EPHB6: variants seen among roughly 807,000 people sequenced by gnomAD.
EPHB6 encodes ephrin type-B receptor 6.
EPHB6 carries 51 observed loss-of-function variants against 107.0 expected under a neutral mutation model. The observed-to-expected ratio is 0.48, with a 90% CI of 0.38 to 0.60. EPHB6 has a LOEUF of 0.60. EPHB6 is among the 20% of genes least tolerant of loss of function. The pLI, the probability that EPHB6 is intolerant of heterozygous loss-of-function variation, is 0.00. For missense variants in EPHB6, 1,141 were observed against 1,355.5 expected (o/e 0.84, Z 2.48); for synonymous variants, 553 against 549.0 (o/e 1.01, Z -0.10).
Position 142,861,997 on chromosome 7 carries a change from T to C in EPHB6, c.-296-20T>C, listed in dbSNP as rs1802861147. 6.6e-6 allele frequency: 1 copy of C among 152,218 alleles called. No individual in the cohort carries two copies. Among genetic ancestry groups the C allele is most frequent in the Non-Finnish European group, 1.5e-5 (1 of 68,042 alleles). The allele number at this position is 152,218 out of a possible 1,614,324, so 9.4% of individuals were successfully genotyped here. On this transcript the variant is annotated intron_variant, in intron 2 of 19. Coordinates refer to ENST00000652003, the MANE Select transcript of EPHB6 (RefSeq NM_004445.6). ...AATAGACCTAGTAGCTTATACACAA[T>C]AGAAATATCTTTCTCACAGTCTAGA...
Position 142,870,887 on chromosome 7 carries a change from G to C in EPHB6, c.3052G>C (p.Gly1018Arg). 1 of 1,613,586 alleles carries C rather than the reference G, an allele frequency of 6.2e-7. No individual in the cohort carries two copies. Among genetic ancestry groups the C allele is most frequent in the Non-Finnish European group, 8.5e-7 (1 of 1,179,930 alleles). The change falls in exon 20 of 20, where the codon GGC becomes CGC. Residue 1018 changes from glycine to arginine, a missense_variant. Transcript: ENST00000652003. The part of the protein sequence containing the change: ...QLLQQHLRQQ[G>R]SVEV ...CCTTCAGCAACACCTGAGGCAGCAG[G>C]GCTCAGTGGAGGTCTGAGAATGACG...
Position 142,867,128 on chromosome 7 carries a change from G to A in EPHB6, c.1750+60G>A. ...AGGCCCAAGTGGGTAGTGAGGAGAG[G>A]CCCAGGGACTGTCCGGCCTTGAACC... On this transcript the variant is annotated intron_variant, in intron 11 of 19. Transcript: ENST00000652003. The surrounding 1 kb of genome is among the most constrained non-coding windows in gnomAD (Gnocchi z 5.3). The A allele has an allele frequency of 6.3e-7, 1 of 1,579,240 alleles. No homozygotes were observed. Among genetic ancestry groups the A allele is most frequent in the Non-Finnish European group, 8.6e-7 (1 of 1,162,558 alleles).
At position 142,868,520 on chromosome 7, in the gene EPHB6, C is replaced by A. The variant is rs1472840104; in HGVS notation, c.2067C>A (p.Arg689=). ...TGSFGEVRQG[R]LQPRGRREQT... is the part of the protein sequence containing the mutation. ...CTTTTGGAGAAGTGCGCCAGGGCCG[C>A]CTGCAGCCACGGGGACGGAGGGAGC... Residue 689 remains arginine, a synonymous_variant, in exon 15 of 20, where the codon CGC becomes CGA. Transcript: ENST00000652003. This position sits in a 1 kb window ranked among gnomAD's most constrained non-coding sequence, Gnocchi z 4.2. The A allele has an allele frequency of 8.1e-6, 13 of 1,613,758 alleles. No individual in the cohort carries two copies. Among genetic ancestry groups the A allele is most frequent in the East Asian group, 2.2e-5 (1 of 44,890 alleles).
chr7:142,865,725 A>T (rs1170049067), intron 8 of EPHB6, 95 bp downstream of exon 8: 1 of 1,520,724 alleles, frequency 6.6e-7, no homozygotes, highest in Non-Finnish European at 8.9e-7. Context: ...TTGCATTTGG[A>T]GTGACTTGTT....
intron 1 of EPHB6, among the ~76,000 whole-genome samples, chr7:142,858,111 T>G (rs746829742): frequency 6.6e-6 from 1 of 152,216 alleles, no homozygotes; most frequent in Non-Finnish European, 1.5e-5. Context: ...AAATAAGGTA[T>G]GCTTACTGTA....
rs760221987 is a variant in EPHB6, at chr7:142,868,400, C to T, written c.2038+40C>T. Reference sequence around the variant, plus strand: ...AAGCAGGGATCAGAGCGACGGGGCTCCCTTGTGGCCTCCGCTGGCCAGAGT... The same window carrying T: ...AAGCAGGGATCAGAGCGACGGGGCTTCCTTGTGGCCTCCGCTGGCCAGAGT... On this transcript the variant is annotated intron_variant, in intron 14 of 19. Transcript: ENST00000652003. This position sits in a 1 kb window ranked among gnomAD's most constrained non-coding sequence, Gnocchi z 4.2. 3.1e-6 allele frequency: 5 copies of T among 1,613,828 alleles called. No homozygotes were observed. The highest frequency in any genetic ancestry group is 4.2e-6 in the Non-Finnish European group (5 of 1,179,868).
chr7:142,865,902 A>G, intron 8 of EPHB6, 58 bp from the exon 9 acceptor site: 4 of 1,557,242 alleles, frequency 2.6e-6, no homozygotes, highest in Non-Finnish European at 3.5e-6. Flanking sequence ...TTCCTTCCTC[A>G]ATCACCCCCA....
At position 142,864,332 on chromosome 7, in the gene EPHB6, G is replaced by A. The variant is rs775969564; in HGVS notation, c.532G>A (p.Ala178Thr). Residue 178 changes from alanine (A) to threonine (T), a missense_variant, in exon 7 of 20, where the codon GCA becomes ACA. Coordinates refer to ENST00000652003, the MANE Select transcript of EPHB6 (RefSeq NM_004445.6). ...CTCCTCCTCCTCCTCTTCTTCCTCT[G>A]CAGCGTGGGCTGTGGGACCCCACGG... is the stretch of plus-strand genomic sequence containing the variant. The part of the protein sequence containing the change: ...SSSSSSSSSS[A>T]AWAVGPHGAG... The A allele has an allele frequency of 3.7e-6, 6 of 1,613,298 alleles. No individual in the cohort carries two copies. The highest frequency in any genetic ancestry group is 1.1e-5 in the South Asian group (1 of 91,080).
intron 1 of EPHB6, among the ~76,000 whole-genome samples, chr7:142,858,601 A>T (rs1442048069): frequency 2.6e-5 from 1 of 37,840 alleles, no homozygotes; most frequent in Non-Finnish European, 7.4e-5. Flanking sequence ...ACGCCCAGCT[A>T]ATTTTTTTTT....
In EPHB6 at chr7:142,855,095, C is replaced by G. The variant is rs1041370331; in HGVS notation, c.-722C>G. On this transcript the variant is annotated 5_prime_UTR_variant, in exon 1 of 20. Coordinates refer to ENST00000652003, the MANE Select transcript of EPHB6 (RefSeq NM_004445.6). This position sits in a 1 kb window ranked among gnomAD's most constrained non-coding sequence, Gnocchi z 4.2. Reference sequence around the variant, plus strand: ...CGGGCCGGGCTGCGTTCGCTCCAGCCGCGGCTCTACAGCAGCGGGCGGCGG... The same window carrying G: ...CGGGCCGGGCTGCGTTCGCTCCAGCGGCGGCTCTACAGCAGCGGGCGGCGG... 6.6e-6 allele frequency: 1 copy of G among 152,246 alleles called. No homozygotes were observed. The highest frequency in any genetic ancestry group is 2.4e-5 in the African/African-American group (1 of 41,418). 9.4% of individuals were successfully genotyped at this position (152,246 alleles called of 1,614,324 possible).
chr7:142,856,394 T>C (rs976722016), intron 1 of EPHB6, among the ~76,000 whole-genome samples: 4 of 152,196 alleles, frequency 2.6e-5, no homozygotes, highest in African/African-American at 9.7e-5. Flanking sequence ...TGTACTTACC[T>C]GGTGGCCTCA....
At position 142,869,735 on chromosome 7, in the gene EPHB6, C is replaced by T; in HGVS notation, c.2461-82C>T. The T allele has an allele frequency of 6.7e-7, 1 of 1,501,524 alleles. No individual in the cohort carries two copies. Among genetic ancestry groups the T allele is most frequent in the Non-Finnish European group, 9.2e-7 (1 of 1,090,676 alleles). The allele number at this position is 1,501,524 out of a possible 1,614,324, so 93.0% of individuals were successfully genotyped here. A position where few individuals can be genotyped will look rare whatever the true frequency, so the allele number is the denominator to read the frequency against. On this transcript the variant is annotated intron_variant, in intron 16 of 19. Coordinates refer to ENST00000652003, the MANE Select transcript of EPHB6 (RefSeq NM_004445.6). The surrounding 1 kb of genome is among the most constrained non-coding windows in gnomAD (Gnocchi z 4.5). ...GAGATGCTTGATGTAAAACCCTTGG[C>T]ATATCTGAGCACATAGTAGTTGCTC...
rs756108553 is a variant in EPHB6 at position 142,868,579 on chromosome 7, G to T, written c.2126G>T (p.Gly709Val). 1.2e-6 allele frequency: 2 copies of T among 1,613,486 alleles called. No individual in the cohort carries two copies. The highest frequency in any genetic ancestry group is 1.7e-6 in the Non-Finnish European group (2 of 1,179,942). Residue 709 changes from glycine (G) to valine (V), a missense_variant, in exon 15 of 20, where the codon GGC becomes GTC. Coordinates refer to ENST00000652003, the MANE Select transcript of EPHB6 (RefSeq NM_004445.6). This position sits in a 1 kb window ranked among gnomAD's most constrained non-coding sequence, Gnocchi z 4.2. ...TVAIQALWAG[G>V]AESLQMTFLG... ...GCCATCCAGGCCCTGTGGGCCGGGGGCGCCGAAAGCCTGCAGATGACCTTC... is the reference window on the plus strand; with the variant it reads ...GCCATCCAGGCCCTGTGGGCCGGGGTCGCCGAAAGCCTGCAGATGACCTTC...
At chr7:142,861,302 A>G (rs1320110265) in intron 2 of EPHB6, 116 bp downstream of exon 2, 1 of 152,022 alleles carries the variant, frequency 6.6e-6, no homozygotes, top group Admixed American at 6.5e-5. Context: ...CATTATGAGG[A>G]TATGAACACT....
chr7:142,870,558 G>A lies in EPHB6; in HGVS notation c.2833G>A (p.Ala945Thr). The A allele has an allele frequency of 3.7e-6, 6 of 1,614,234 alleles. No homozygotes were observed. The highest frequency in any genetic ancestry group is 5.1e-6 in the Non-Finnish European group (6 of 1,180,040). ...RPSQALLTPV[A>T]LDFPCLDSPQ... ...TTCCCAGGCCCTTCTGACCCCTGTG[G>A]CCCTGGACTTTCCTTGTCTGGACTC... is the stretch of plus-strand genomic sequence containing the variant. Residue 945 changes from alanine (A) to threonine (T), a missense_variant, in exon 19 of 20, where the codon GCC becomes ACC. Ala to Thr is a moderately conservative substitution (Grantham distance 58). Around this residue, in one of 3 missense-constraint regions of EPHB6, gnomAD observed 616 missense variants for 759.3 expected, o/e 0.81. Transcript: ENST00000652003.
chr7:142,869,847 C>T lies in EPHB6; in HGVS notation c.2491C>T (p.Pro831Ser). 2 of 1,614,166 alleles carry T rather than the reference C, an allele frequency of 1.2e-6. No homozygotes were observed. Among genetic ancestry groups the T allele is most frequent in the Non-Finnish European group, 1.7e-6 (2 of 1,180,036 alleles). Residue 831 changes from proline (P) to serine (S), a missense_variant, in exon 17 of 20, where the codon CCA (proline) becomes TCA (serine). By Grantham distance (74) the Pro-to-Ser change is moderately conservative (BLOSUM62 -1). Coordinates refer to ENST00000652003, the MANE Select transcript of EPHB6 (RefSeq NM_004445.6). The surrounding 1 kb of genome is among the most constrained non-coding windows in gnomAD (Gnocchi z 4.5). ...AAGTTGTTTGCTTCGCTGGGCAGCC[C>T]CAGAGGTCATTGCACATGGAAAGCA... ...GPSCLLRWAA[P>S]EVIAHGKHTT...
chr7:142,867,774 A>G lies in EPHB6; in HGVS notation c.1865+52A>G. ...GCCCAGCACCATTAACTCCACAGCCAAACCTCAAGTCCTGCCAAGTCTGGA... is the reference window on the plus strand; with the variant it reads ...GCCCAGCACCATTAACTCCACAGCCGAACCTCAAGTCCTGCCAAGTCTGGA... On this transcript the variant is annotated intron_variant, in intron 12 of 19. Coordinates refer to ENST00000652003, the MANE Select transcript of EPHB6 (RefSeq NM_004445.6). The surrounding 1 kb of genome is among the most constrained non-coding windows in gnomAD (Gnocchi z 5.3). The G allele has an allele frequency of 6.5e-7, 1 of 1,535,438 alleles. No homozygotes were observed. The highest frequency in any genetic ancestry group is 8.9e-7 in the Non-Finnish European group (1 of 1,129,252).
chr7:142,863,999 C>A lies in EPHB6; in HGVS notation c.199C>A (p.Arg67Ser). 6.2e-7 allele frequency: 1 copy of A among 1,614,234 alleles called. No homozygotes were observed. The highest frequency in any genetic ancestry group is 8.5e-7 in the Non-Finnish European group (1 of 1,180,054). The change falls in exon 7 of 20, where the codon CGC becomes AGC. Residue 67 changes from arginine (R) to serine (S), a missense_variant. Around this residue, in one of 3 missense-constraint regions of EPHB6, gnomAD observed 221 missense variants for 300.5 expected, o/e 0.74. Transcript: ENST00000652003. ...DEVSVLDDQRRLTRTFEACHV... is the reference protein window; with the variant it reads ...DEVSVLDDQRSLTRTFEACHV... ...GGTGAGTGTTCTGGACGACCAGCGA[C>A]GCCTGACTCGGACCTTTGAGGCATG...
chr7:142,863,612 C>T lies in EPHB6; in HGVS notation c.101-19C>T, dbSNP rs887855865. 3 of 1,613,114 alleles carry T rather than the reference C, an allele frequency of 1.9e-6. No homozygotes were observed. The highest frequency in any genetic ancestry group is 2.7e-5 in the African/African-American group (2 of 74,844). On this transcript the variant is annotated intron_variant, in intron 5 of 19. Coordinates refer to ENST00000652003, the MANE Select transcript of EPHB6 (RefSeq NM_004445.6). ...GGCTGGAGGCTTGGCCACTGTGTGCCCCTCTTATTTCTGGGCAGAGGTATT... is the reference window on the plus strand; with the variant it reads ...GGCTGGAGGCTTGGCCACTGTGTGCTCCTCTTATTTCTGGGCAGAGGTATT...
Sources: allele counts gnomAD v4.1 joint callset (sites outside exome capture counted in the v4.1 genomes callset), GRCh38; gene constraint gnomAD v4.1.1; regional missense constraint gnomAD v4.1.1; non-coding constraint Gnocchi (gnomAD v3.1); transcripts MANE v1.5; gene names NCBI Gene and HGNC (gene_info 2026-07-23, HGNC 2026-07-21).